The following GPI variants were observed in gnomAD, a reference collection of about 807,000 sequenced individuals.
The protein encoded by GPI is glucose-6-phosphate isomerase.
In GPI, 56 loss-of-function variants were observed where a neutral mutation model predicts 75.8. The observed-to-expected ratio is 0.74, with a 90% CI of 0.60 to 0.92. The LOEUF (loss-of-function observed/expected upper bound fraction) is 0.92, where lower values mean the gene tolerates loss of function less well. Among genes scored for constraint, GPI ranks in the 40% least tolerant of loss-of-function variants. GPI has a pLI of 0.00. For synonymous variants in GPI, 288 were observed against 285.4 expected (o/e 1.01, Z -0.09); for missense variants, 638 against 741.0 (o/e 0.86, Z 1.61).
chr19:34,366,919 G>T (rs376834493), intron 3 of GPI, 68 bp downstream of exon 3: 3 of 1,145,868 alleles, frequency 2.6e-6, no homozygotes, highest in Non-Finnish European at 2.7e-6. Context: ...ACTGTTAGCC[G>T]CATCACCCTG....
chr19:34,395,589 C>G (rs2074932079), intron 12 of GPI, among the ~76,000 whole-genome samples: 1 of 152,200 alleles, frequency 6.6e-6, no homozygotes, highest in South Asian at 2.1e-4. Flanking sequence ...CCTGCTCTCC[C>G]TTAAGAAATG....
intron 9 of GPI, among the ~76,000 whole-genome samples, chr19:34,386,530 C>T (rs946617361): frequency 6.6e-6 from 1 of 152,182 alleles, no homozygotes; most frequent in African/African-American, 2.4e-5. Flanking sequence ...TTGGCTCTTT[C>T]AGGAGTTGGA....
intron 9 of GPI, among the ~76,000 whole-genome samples, chr19:34,385,056 G>C (rs537361853): frequency 1.1e-3 from 162 of 151,392 alleles, no homozygotes; most frequent in African/African-American, 3.7e-3. Context: ...AAAAAAAGCG[G>C]GGGTTGGGTG....
chr19:34,386,832 G>A (rs967979024), intron 9 of GPI, among the ~76,000 whole-genome samples: 1 of 152,090 alleles, frequency 6.6e-6, no homozygotes, highest in Admixed American at 6.5e-5. Context: ...TCAGTCTTAG[G>A]CCTGGGGACA....
intron 8 of GPI, among the ~76,000 whole-genome samples, chr19:34,380,024 T>C (rs1171871497): frequency 3.0e-5 from 4 of 134,260 alleles, no homozygotes; most frequent in Admixed American, 2.4e-4. Context: ...TTTAAGACAG[T>C]CTCACTCTGT....
At chr19:34,383,041 G>A (rs578118547) in intron 9 of GPI, among the ~76,000 whole-genome samples, 5 of 152,282 alleles carry the variant, frequency 3.3e-5, no homozygotes, top group African/African-American at 1.2e-4. Context: ...ATGCAGTGCC[G>A]GCCCTCAGGT....
upstream of GPI, among the ~76,000 whole-genome samples, chr19:34,361,751 T>C (rs144511794): frequency 9.4e-3 from 1,424 of 150,972 alleles, 10 homozygotes; most frequent in Non-Finnish European, 0.015. Context: ...GAAGCCGAGG[T>C]GGGTGGATTA....
intron 4 of GPI, among the ~76,000 whole-genome samples, chr19:34,370,126 T>C (rs1294046135): frequency 6.6e-6 from 1 of 152,306 alleles, no homozygotes; most frequent in East Asian, 1.9e-4. Flanking sequence ...GCATGTAACA[T>C]GCCTTCTTTT....
At chr19:34,381,951 T>C (rs1166120288) in intron 9 of GPI, among the ~76,000 whole-genome samples, 1 of 151,978 alleles carries the variant, frequency 6.6e-6, no homozygotes, top group African/African-American at 2.4e-5. Context: ...CAGGAGGAGC[T>C]GGGGGGGTGG....
At chr19:34,386,291 G>A (rs2074734054) in intron 9 of GPI, among the ~76,000 whole-genome samples, 1 of 151,010 alleles carries the variant, frequency 6.6e-6, no homozygotes, top group South Asian at 2.1e-4. Context: ...GCACAGGTAG[G>A]TAGAGATAGC....
At chr19:34,377,956 C>A in intron 6 of GPI, 75 bp downstream of exon 6, 1 of 1,506,890 alleles carries the variant, frequency 6.6e-7, no homozygotes, top group Non-Finnish European at 9.2e-7. Context: ...TCTTGCCATC[C>A]CCCTGGCCAT....
chr19:34,366,387 C>G lies in GPI; in HGVS notation c.165C>G (p.Tyr55Ter). 6.2e-7 allele frequency: 1 copy of G among 1,613,768 alleles called. No individual in the cohort carries two copies. Among genetic ancestry groups the G allele is most frequent in the South Asian group, 1.1e-5 (1 of 91,086 alleles). ...NTNHGHILVD[Y>*]SKNLVTEDVM... ...ACCATGGGCATATCCTGGTGGATTA[C>G]TCCAAGAACCTGGTGACGGAGGACG... is the stretch of plus-strand genomic sequence containing the variant. Residue 55 changes from tyrosine (Y) to a stop codon, truncating the protein, a stop_gained, in exon 2 of 18, where the codon TAC becomes TAG. Coordinates refer to ENST00000356487, the MANE Select transcript of GPI (RefSeq NM_000175.5). LOFTEE classifies it high-confidence loss of function.
rs1032299459 is a variant in GPI at position 34,400,899 on chromosome 19, T to C, written c.*863T>C. ...CACCACCATACCCAGCTAATTTTTG[T>C]ATTTTTAGTAGTGAAGGGGTTTTAC... On this transcript the variant is annotated 3_prime_UTR_variant, in exon 18 of 18. Transcript: ENST00000356487. The C allele has an allele frequency of 2.0e-5, 6 of 300,766 alleles. No individual in the cohort carries two copies. The highest frequency in any genetic ancestry group is 1.3e-4 in the African/African-American group (6 of 46,006). The allele number at this position is 300,766 out of a possible 1,614,324, so 18.6% of individuals were successfully genotyped here.
At chr19:34,367,583 A>G (rs1251844477) in intron 3 of GPI, among the ~76,000 whole-genome samples, 2 of 152,148 alleles carry the variant, frequency 1.3e-5, no homozygotes, top group African/African-American at 4.8e-5. Context: ...CCTCCACCTT[A>G]GCAAGCCTCT....
At chr19:34,365,409 G>A (rs1303677395) in intron 1 of GPI, 21 bp downstream of exon 1, 2 of 1,559,622 alleles carry the variant, frequency 1.3e-6, no homozygotes, top group Admixed American at 3.7e-5. Flanking sequence ...GCCGGAGGCG[G>A]GGGCTGCCAC....
chr19:34,396,455 G>A (rs778317864), intron 13 of GPI, 25 bp downstream of exon 13: 1 of 1,613,914 alleles, frequency 6.2e-7, no homozygotes, highest in Admixed American at 1.7e-5. Flanking sequence ...CCTGGGAAGG[G>A]TGATGTTGGG....
chr19:34,375,895 G>A (rs1215379411), intron 4 of GPI, among the ~76,000 whole-genome samples: 2 of 152,198 alleles, frequency 1.3e-5, no homozygotes, highest in Non-Finnish European at 2.9e-5. Context: ...CAGGAAGCAA[G>A]GATCACTGGT....
rs768235376 is a variant in GPI at position 34,368,551 on chromosome 19, G to A, written c.283-32G>A. On this transcript the variant is annotated intron_variant, in intron 3 of 17. Coordinates refer to ENST00000356487, the MANE Select transcript of GPI (RefSeq NM_000175.5). ...AGCATGGCTGCCTGGGGTTGGGGGG[G>A]GCAGTCTTTATATCCTGACCGTAAT... The A allele has an allele frequency of 5.6e-6, 9 of 1,613,408 alleles. No homozygotes were observed. The African/African-American group carries it at 1.2e-4, about 22-fold the overall frequency.
rs535827434 is a variant in GPI at position 34,365,233 on chromosome 19, T to C, written c.-34T>C. 71 of 1,468,098 alleles carry C rather than the reference T, an allele frequency of 4.8e-5. No individual in the cohort carries two copies. The South Asian group carries it at 5.0e-4, about 10-fold the overall frequency. 90.9% of individuals were successfully genotyped at this position (1,468,098 alleles called of 1,614,324 possible). Reference sequence around the variant, plus strand: ...CTGCCGGCGCTCCTTCCTCCTCGGCTCGCGTCTCACTCAGTGTACCTTCTA... The same window carrying C: ...CTGCCGGCGCTCCTTCCTCCTCGGCCCGCGTCTCACTCAGTGTACCTTCTA... On this transcript the variant is annotated 5_prime_UTR_variant, in exon 1 of 18. Coordinates refer to ENST00000356487, the MANE Select transcript of GPI (RefSeq NM_000175.5).
Sources: allele counts gnomAD v4.1 joint callset (sites outside exome capture counted in the v4.1 genomes callset), GRCh38; gene constraint gnomAD v4.1.1; transcripts MANE v1.5; gene names NCBI Gene and HGNC (gene_info 2026-07-23, HGNC 2026-07-21).